Variants in ATF6 observed in about 807,000 individuals in gnomAD.
The protein encoded by ATF6 is cyclic AMP-dependent transcription factor ATF-6 alpha.
Under a neutral mutation model 83.6 loss-of-function variants are expected in ATF6, and 53 were observed. That is an observed-to-expected ratio of 0.63 (90% CI 0.51 to 0.80). The LOEUF is 0.80. Ranked by LOEUF, ATF6 falls within the 30% of genes least tolerant of loss-of-function variation. The probability of loss-of-function intolerance (pLI) is 0.00; values close to 1 mark genes in which losing one functional copy is unlikely to be tolerated. For synonymous variants in ATF6, 288 were observed against 285.8 expected (o/e 1.01, Z -0.08); for missense variants, 744 against 797.9 (o/e 0.93, Z 0.81).
At chr1:161,818,977 A>C (rs1685683144) in intron 7 of ATF6, among the ~76,000 whole-genome samples, 1 of 152,184 alleles carries the variant, frequency 6.6e-6, no homozygotes, top group South Asian at 2.1e-4. Flanking sequence ...GGGATGAGTT[A>C]ATGAGTGCCT....
chr1:161,889,174 T>C (rs1248280200), intron 14 of ATF6, among the ~76,000 whole-genome samples: 1 of 152,230 alleles, frequency 6.6e-6, no homozygotes, highest in Non-Finnish European at 1.5e-5. Context: ...GGCACATGTG[T>C]ATAGTTGAAG....
chr1:161,844,036 G>A (rs1422703209), intron 9 of ATF6, among the ~76,000 whole-genome samples: 2 of 152,148 alleles, frequency 1.3e-5, no homozygotes, highest in Non-Finnish European at 2.9e-5. Flanking sequence ...AGGACTTAGG[G>A]TTTTAATTAC....
chr1:161,798,872 A>G (rs1685079261), intron 6 of ATF6, among the ~76,000 whole-genome samples: 1 of 152,238 alleles, frequency 6.6e-6, no homozygotes, highest in East Asian at 1.9e-4. Flanking sequence ...ATCATTAGAG[A>G]AATGTAAATC....
At chr1:161,895,145 G>A (rs1271714364) in intron 14 of ATF6, among the ~76,000 whole-genome samples, 1 of 152,146 alleles carries the variant, frequency 6.6e-6, no homozygotes, top group African/African-American at 2.4e-5. Flanking sequence ...GCTGAGGTGG[G>A]AGAATTGCTT....
chr1:161,811,446 C>G (rs1008213988), intron 7 of ATF6, among the ~76,000 whole-genome samples: 32 of 152,250 alleles, frequency 2.1e-4, no homozygotes, highest in African/African-American at 7.2e-4. Flanking sequence ...CTTATAACTT[C>G]CCAGTGTGTA....
At chr1:161,956,465 T>C (rs1688968169) in intron 15 of ATF6, among the ~76,000 whole-genome samples, 1 of 152,252 alleles carries the variant, frequency 6.6e-6, no homozygotes. Flanking sequence ...CTCCTACTTT[T>C]TGGAAAACCC....
chr1:161,829,692 A>G (rs1274255142), intron 9 of ATF6, among the ~76,000 whole-genome samples: 13 of 152,178 alleles, frequency 8.5e-5, no homozygotes, highest in Non-Finnish European at 1.8e-4. Context: ...AAACAGAACC[A>G]AAGACAAAAA....
chr1:161,875,970 G>A (rs548918703), intron 14 of ATF6, among the ~76,000 whole-genome samples: 10 of 151,980 alleles, frequency 6.6e-5, no homozygotes, highest in African/African-American at 2.4e-4. Context: ...TATGAACATA[G>A]GGCAGTAATA....
intron 15 of ATF6, among the ~76,000 whole-genome samples, chr1:161,952,527 C>T (rs1245583620): frequency 6.6e-6 from 1 of 152,072 alleles, no homozygotes; most frequent in Non-Finnish European, 1.5e-5. Flanking sequence ...CCCTCTCACT[C>T]TCTTTTTTTA....
chr1:161,877,039 A>G (rs746673043), intron 14 of ATF6, among the ~76,000 whole-genome samples: 39 of 152,238 alleles, frequency 2.6e-4, no homozygotes, highest in Non-Finnish European at 5.3e-4. Flanking sequence ...TTGTATTTAG[A>G]TAGAAGTTTC....
chr1:161,879,904 G>C (rs1021972299), intron 14 of ATF6, among the ~76,000 whole-genome samples: 1 of 151,716 alleles, frequency 6.6e-6, no homozygotes, highest in African/African-American at 2.4e-5. Context: ...GTTTTCATTT[G>C]GCATGTCATT....
Position 161,819,714 on chromosome 1 carries a change from A to G in ATF6, c.991A>G (p.Met331Val). ...CQSRKKKKEY[M>V]LGLEARLKAA... Reference sequence around the variant, plus strand: ...GTCTCGCAAGAAGAAGAAAGAATATATGCTAGGGTTAGAGGCGAGATTAAA... The same window carrying G: ...GTCTCGCAAGAAGAAGAAAGAATATGTGCTAGGGTTAGAGGCGAGATTAAA... Residue 331 changes from methionine to valine, a missense_variant, in exon 8 of 16, where the codon ATG becomes GTG. Met to Val is a conservative substitution (Grantham distance 21). Transcript: ENST00000367942. 1.2e-6 allele frequency: 2 copies of G among 1,613,616 alleles called. No homozygotes were observed. The highest frequency in any genetic ancestry group is 1.7e-6 in the Non-Finnish European group (2 of 1,179,794).
intron 15 of ATF6, among the ~76,000 whole-genome samples, chr1:161,920,954 T>C (rs1033187266): frequency 1.3e-5 from 2 of 151,694 alleles, no homozygotes; most frequent in Admixed American, 1.3e-4. Flanking sequence ...AAAAAAAATT[T>C]GGAGTCTTTT....
intron 15 of ATF6, among the ~76,000 whole-genome samples, chr1:161,945,232 A>G (rs1201583753): frequency 6.6e-6 from 1 of 152,268 alleles, no homozygotes; most frequent in African/African-American, 2.4e-5. Context: ...CGTTAATTAC[A>G]GAAGTTGGAT....
chr1:161,932,748 C>A (rs968221583), intron 15 of ATF6, among the ~76,000 whole-genome samples: 2 of 152,184 alleles, frequency 1.3e-5, no homozygotes, highest in African/African-American at 4.8e-5. Context: ...TGCTCTAGGT[C>A]TCTCATGAGG....
intron 12 of ATF6, among the ~76,000 whole-genome samples, chr1:161,857,315 T>G (rs1571194359): frequency 1.3e-5 from 2 of 152,308 alleles, no homozygotes; most frequent in South Asian, 4.1e-4. Context: ...GCATTATGTC[T>G]TATAAAATAT....
intron 15 of ATF6, among the ~76,000 whole-genome samples, chr1:161,936,562 C>T (rs943870716): frequency 6.6e-6 from 1 of 152,144 alleles, no homozygotes; most frequent in African/African-American, 2.4e-5. Context: ...TGGGATTTTA[C>T]ATTTTGACAT....
intron 14 of ATF6, among the ~76,000 whole-genome samples, chr1:161,911,947 G>C (rs1045719087): frequency 6.6e-6 from 1 of 152,132 alleles, no homozygotes; most frequent in Non-Finnish European, 1.5e-5. Context: ...ACGTAGTCTT[G>C]TCCAGATTAT....
intron 15 of ATF6, among the ~76,000 whole-genome samples, chr1:161,936,719 C>T (rs1399285601): frequency 2.6e-5 from 4 of 152,140 alleles, no homozygotes; most frequent in Admixed American, 6.5e-5. Context: ...AAATATTTAA[C>T]AGGAAGGGAA....
Sources: gnomAD v4.1 joint callset for allele counts (sites outside exome capture counted in the v4.1 genomes callset) on GRCh38, gnomAD v4.1.1 for gene constraint, MANE v1.5 for transcripts, NCBI Gene and HGNC (gene_info 2026-07-23, HGNC 2026-07-21) for gene names.